Variants in MORC1 observed in about 807,000 individuals in gnomAD.
MORC1 encodes the protein MORC family CW-type zinc finger 1.
In MORC1, 59 loss-of-function variants were observed where a neutral mutation model predicts 134.9. That is an observed-to-expected ratio of 0.44 (90% confidence interval 0.35 to 0.54). The LOEUF (loss-of-function observed/expected upper bound fraction) is 0.54. MORC1 is among the 20% of genes least tolerant of loss of function. The pLI, the probability that MORC1 is intolerant of heterozygous loss-of-function variation, is 0.00. For missense variants in MORC1, 947 were observed against 1,134.5 expected, an observed-to-expected ratio of 0.83 and a Z score of 2.37; for synonymous variants, 395 against 391.7, an observed-to-expected ratio of 1.01 and a Z score of -0.10.
chr3:109,032,321 T>A (rs373984950), intron 16 of MORC1, among the ~76,000 whole-genome samples: 4 of 152,166 alleles, frequency 2.6e-5, no homozygotes, highest in South Asian at 4.1e-4. Flanking sequence ...AGCAATGAAA[T>A]CAATATATGA....
At chr3:109,058,960 T>A (rs989522365) in intron 12 of MORC1, among the ~76,000 whole-genome samples, 1 of 152,072 alleles carries the variant, frequency 6.6e-6, no homozygotes, top group African/African-American at 2.4e-5. Flanking sequence ...TTCAAGAAGG[T>A]TTTTATTTCT....
intron 14 of MORC1, among the ~76,000 whole-genome samples, chr3:109,043,850 T>C (rs1022381428): frequency 6.6e-6 from 1 of 152,190 alleles, no homozygotes; most frequent in Non-Finnish European, 1.5e-5. Context: ...GAATAATGTC[T>C]CTTCCAAAAA....
At chr3:109,036,842 T>G (rs1576660855) in intron 14 of MORC1, among the ~76,000 whole-genome samples, 1 of 152,208 alleles carries the variant, frequency 6.6e-6, no homozygotes, top group African/African-American at 2.4e-5. Flanking sequence ...ATTTGGCTTT[T>G]GGGGCTTTTA....
intron 14 of MORC1, among the ~76,000 whole-genome samples, chr3:109,042,054 GAGACTATTC>G (rs1258276184): frequency 6.6e-6 from 1 of 152,048 alleles, no homozygotes; most frequent in African/African-American, 2.4e-5. Context: ...AAGAAAGGGA[GAGACTATTC>G]AAATAAACTG....
intron 17 of MORC1, among the ~76,000 whole-genome samples, chr3:109,025,379 CTTTTTTTT>C (rs63701060): frequency 0.19 from 19,601 of 103,722 alleles, 844 homozygotes; most frequent in Middle Eastern, 0.33. Flanking sequence ...TTTCTTTTTT[CTTTTTTTT>C]TTTTTTTTTT....
chr3:109,084,234 A>G (rs1388994505), intron 8 of MORC1, among the ~76,000 whole-genome samples: 1 of 152,176 alleles, frequency 6.6e-6, no homozygotes, highest in Non-Finnish European at 1.5e-5. Flanking sequence ...TTTCAGAATG[A>G]TGTGACCTTA....
intron 8 of MORC1, among the ~76,000 whole-genome samples, chr3:109,084,777 G>A (rs1276218990): frequency 2.0e-5 from 3 of 151,984 alleles, no homozygotes; most frequent in African/African-American, 7.2e-5. Flanking sequence ...AAATCAGCAT[G>A]GTACTGGCAC....
intron 17 of MORC1, among the ~76,000 whole-genome samples, chr3:109,013,876 A>C (rs1367823182): frequency 6.6e-6 from 1 of 150,984 alleles, no homozygotes; most frequent in Non-Finnish European, 1.5e-5. Context: ...TGAGACTGCA[A>C]GTTCAATCTC....
chr3:108,978,560 C>A (rs1559867178), intron 24 of MORC1, among the ~76,000 whole-genome samples: 2 of 152,136 alleles, frequency 1.3e-5, no homozygotes, highest in Non-Finnish European at 2.9e-5. Flanking sequence ...GAATTGAGTT[C>A]AAGTCTACTG....
intron 17 of MORC1, chr3:109,019,038 G>A (rs762808595): frequency 2.0e-5 from 3 of 152,142 alleles, no homozygotes; most frequent in Non-Finnish European, 4.4e-5. Flanking sequence ...GCGCCTCCTC[G>A]TGGTTTCCTG....
chr3:109,108,741 C>CA (rs573089683), intron 3 of MORC1, among the ~76,000 whole-genome samples: 12 of 150,754 alleles, frequency 8.0e-5, no homozygotes, highest in Non-Finnish European at 7.4e-5. Flanking sequence ...ACTAAAAATA[C>CA]AAAAAAAAAT....
intron 16 of MORC1, among the ~76,000 whole-genome samples, chr3:109,028,922 A>C (rs576893190): frequency 6.6e-6 from 1 of 152,004 alleles, no homozygotes; most frequent in East Asian, 1.9e-4. Flanking sequence ...AGGGGTAGGG[A>C]GGGGAGGAGT....
intron 22 of MORC1, among the ~76,000 whole-genome samples, chr3:108,986,413 C>T (rs1947894682): frequency 6.6e-6 from 1 of 152,080 alleles, no homozygotes; most frequent in Admixed American, 6.6e-5. Flanking sequence ...CACATTACAT[C>T]CCCTGGGCAT....
intron 14 of MORC1, among the ~76,000 whole-genome samples, chr3:109,041,445 C>T (rs1379289365): frequency 6.6e-6 from 1 of 152,066 alleles, no homozygotes; most frequent in Admixed American, 6.6e-5. Context: ...GGCACAGTGG[C>T]TCACACCTGT....
intron 24 of MORC1, among the ~76,000 whole-genome samples, chr3:108,977,772 T>C (rs1576587702): frequency 6.6e-6 from 1 of 152,290 alleles, no homozygotes; most frequent in East Asian, 1.9e-4. Context: ...ATACCACTTC[T>C]AGAAAAATAC....
At chr3:108,984,821 T>C in intron 22 of MORC1, 39 bp from the exon 23 acceptor site, 2 of 1,536,076 alleles carry the variant, frequency 1.3e-6, no homozygotes, top group South Asian at 1.2e-5. Flanking sequence ...ATTTGGATGA[T>C]CACACAATAA....
Position 108,986,935 on chromosome 3 carries a change from G to T in MORC1, c.2202C>A (p.Ser734Arg). The change falls in exon 22 of 28, where the codon AGC becomes AGA. Residue 734 changes from serine to arginine, a missense_variant. Around this residue, in one of 3 missense-constraint regions of MORC1, gnomAD observed 722 missense variants for 817.0 expected, o/e 0.88. Coordinates refer to ENST00000232603, the MANE Select transcript of MORC1 (RefSeq NM_014429.4). Reference sequence around the variant, plus strand: ...CTTGTTTCAATGAAACATCAGTGTTGCTTTTATCTGAAACCTGAAAAACAA... The same window carrying T: ...CTTGTTTCAATGAAACATCAGTGTTTCTTTTATCTGAAACCTGAAAAACAA... ...DSDIILVSDK[S>R]NTDVSLKQEK... 1 of 1,566,536 alleles carries T rather than the reference G, an allele frequency of 6.4e-7. No homozygotes were observed. Among genetic ancestry groups the T allele is most frequent in the Non-Finnish European group, 8.6e-7 (1 of 1,161,380 alleles).
chr3:109,005,155 T>C lies in MORC1; in HGVS notation c.1928A>G (p.Lys643Arg), dbSNP rs762614068. ...EYISETKIMK[K>R]SMEEKMNSQQ... ...AGAGTTCATTTTCTCCTCCATAGAC[T>C]TTTTCATAATTTTTGTTTCTGAAAT... is the stretch of plus-strand genomic sequence containing the variant. The change falls in exon 19 of 28, where the codon AAG becomes AGG. Residue 643 changes from lysine (K) to arginine (R), a missense_variant. Physicochemically the swap from Lys to Arg is conservative, Grantham distance 26. Around this residue, in one of 3 missense-constraint regions of MORC1, gnomAD observed 722 missense variants for 817.0 expected, o/e 0.88. Coordinates refer to ENST00000232603, the MANE Select transcript of MORC1 (RefSeq NM_014429.4). 1.2e-6 allele frequency: 2 copies of C among 1,613,842 alleles called. No homozygotes were observed. Among genetic ancestry groups the C allele is most frequent in the East Asian group, 2.2e-5 (1 of 44,868 alleles).
Position 109,013,798 on chromosome 3 carries a change from A to G in MORC1, c.1705-6707T>C, listed in dbSNP as rs116047073. Among the ~76,000 whole-genome samples the G allele has an allele frequency of 6.6e-3, 999 of 152,220 alleles. 12 individuals carry two copies. The highest frequency in any genetic ancestry group is 0.022 in the African/African-American group (931 of 41,532). On this transcript the variant is annotated intron_variant, in intron 17 of 27. Coordinates refer to ENST00000232603, the MANE Select transcript of MORC1 (RefSeq NM_014429.4). The stretch of plus-strand genomic sequence containing the variant: ...GCAACAGTGTTGGGAGGTGGGGCCT[A>G]AAGGGAGGTGTTTAGGTTATGAGGA...
Sources: allele counts gnomAD v4.1 joint callset (sites outside exome capture counted in the v4.1 genomes callset), GRCh38; gene constraint gnomAD v4.1.1; regional missense constraint gnomAD v4.1.1; transcripts MANE v1.5; gene names NCBI Gene and HGNC (gene_info 2026-07-23, HGNC 2026-07-21).